The following PKP1 variants were observed in gnomAD, a reference collection of about 807,000 sequenced individuals.
The protein encoded by PKP1 is plakophilin-1.
PKP1 carries 27 observed loss-of-function variants against 76.4 expected under a neutral mutation model. The observed-to-expected ratio is 0.35, with a 90% CI of 0.26 to 0.49. The LOEUF (loss-of-function observed/expected upper bound fraction) is 0.49, where lower values mean the gene tolerates loss of function less well. Among genes scored for constraint, PKP1 ranks in the 20% least tolerant of loss-of-function variants. The pLI, the probability that PKP1 is intolerant of heterozygous loss-of-function variation, is 0.99. For missense variants in PKP1, 964 were observed against 955.2 expected, an observed-to-expected ratio of 1.01 and a Z score of -0.12; for synonymous variants, 404 against 384.2, an observed-to-expected ratio of 1.05 and a Z score of -0.60.
chr1:201,311,828 C>T (rs832151), intron 2 of PKP1, among the ~76,000 whole-genome samples: 33,162 of 152,140 alleles, frequency 0.22, 3,709 homozygotes, highest in East Asian at 0.25. Flanking sequence ...GATGTTGATC[C>T]TCTACTATGA....
At chr1:201,288,844 T>C (rs1172949962) in intron 1 of PKP1, among the ~76,000 whole-genome samples, 1 of 152,030 alleles carries the variant, frequency 6.6e-6, no homozygotes, top group Non-Finnish European at 1.5e-5. Context: ...AGCAGCAGGA[T>C]TGTGGCAGAG....
At chr1:201,320,468 G>C (rs1656905725) in intron 7 of PKP1, 87 bp downstream of exon 7, 1 of 827,216 alleles carries the variant, frequency 1.2e-6, no homozygotes, top group African/African-American at 1.7e-5. Flanking sequence ...CCAGTGACAA[G>C]ACAGGAGCAC....
rs146785756 is a variant in PKP1, at chr1:201,320,292, C to A, written c.1258C>A (p.Arg420Ser). The part of the protein sequence containing the change: ...LRNLSSADAG[R>S]QTMRNYSGLI... ...GAACCTGAGCTCGGCCGATGCAGGCCGCCAGACCATGCGTAACTACTCAGG... is the reference window on the plus strand; with the variant it reads ...GAACCTGAGCTCGGCCGATGCAGGCAGCCAGACCATGCGTAACTACTCAGG... The change falls in exon 7 of 14, where the codon CGC becomes AGC. Residue 420 changes from arginine (R) to serine (S), a missense_variant. Physicochemically the swap from Arg to Ser is moderately radical, Grantham distance 110. Coordinates refer to ENST00000367324, the MANE Select transcript of PKP1 (RefSeq NM_001005337.3). 3.7e-6 allele frequency: 6 copies of A among 1,613,682 alleles called. No homozygotes were observed. The highest frequency in any genetic ancestry group is 1.3e-5 in the African/African-American group (1 of 74,894).
chr1:201,283,663 C>T lies in PKP1; in HGVS notation c.-40C>T. The T allele has an allele frequency of 1.3e-6, 2 of 1,578,138 alleles. No homozygotes were observed. Among genetic ancestry groups the T allele is most frequent in the South Asian group, 2.2e-5 (2 of 88,992 alleles). On this transcript the variant is annotated 5_prime_UTR_variant, in exon 1 of 14. Transcript: ENST00000367324. ...CCGCACCTCGCCTCGCCTCTCTGCT[C>T]TCCTAGGCCCCGGCCGCGCGCCACC...
chr1:201,297,564 A>C (rs959916725), intron 2 of PKP1, among the ~76,000 whole-genome samples: 17 of 152,216 alleles, frequency 1.1e-4, no homozygotes, highest in African/African-American at 2.4e-5. Context: ...AAGGCCACAC[A>C]GCTGGTTACT....
intron 2 of PKP1, among the ~76,000 whole-genome samples, chr1:201,308,067 T>A (rs576013275): frequency 6.1e-4 from 92 of 151,978 alleles, no homozygotes; most frequent in African/African-American, 2.2e-3. Flanking sequence ...TCCCAAGGAG[T>A]CCAGCAGCTT....
At chr1:201,304,552 G>A (rs1294466946) in intron 2 of PKP1, among the ~76,000 whole-genome samples, 3 of 152,318 alleles carry the variant, frequency 2.0e-5, no homozygotes, top group Middle Eastern at 3.4e-3. Context: ...ACATAGCTAA[G>A]CAACTACACA....
At chr1:201,326,157 C>T (rs1169357816) in intron 12 of PKP1, among the ~76,000 whole-genome samples, 1 of 152,198 alleles carries the variant, frequency 6.6e-6, no homozygotes, top group Non-Finnish European at 1.5e-5. Context: ...CTTTTGAGGG[C>T]ATGGGGTTCA....
chr1:201,313,137 A>G (rs913546304), intron 2 of PKP1, 29 bp from the exon 3 acceptor site: 4 of 1,607,072 alleles, frequency 2.5e-6, no homozygotes, highest in African/African-American at 2.7e-5. Flanking sequence ...AGGAACCTTG[A>G]CTGAGCTTTT....
rs141548223 is a variant in PKP1, at chr1:201,288,450, C to T, written c.202+4546C>T. Among the ~76,000 whole-genome samples the T allele has an allele frequency of 2.1e-3, 314 of 152,268 alleles. 1 individual carries two copies. In the Middle Eastern group the frequency reaches 0.024, roughly 12 times the overall value. ...AAACAACACAAATGCGTGAGTCCCA[C>T]CCCCAGAGATTCTGACTTAGTGAGT... On this transcript the variant is annotated intron_variant, in intron 1 of 13. Transcript: ENST00000367324.
chr1:201,330,343 T>A lies in PKP1; in HGVS notation c.*302T>A, dbSNP rs1426823865. On this transcript the variant is annotated 3_prime_UTR_variant, in exon 14 of 14. Transcript: ENST00000367324. ...CTGAGAAATGGTATATATATGTGTA[T>A]AATGTAAGTGTGTGCATGCATGTGC... The A allele has an allele frequency of 6.6e-6, 1 of 152,120 alleles. No individual in the cohort carries two copies. Among genetic ancestry groups the A allele is most frequent in the Non-Finnish European group, 1.5e-5 (1 of 68,030 alleles). The allele number at this position is 152,120 out of a possible 1,614,324, so 9.4% of individuals were successfully genotyped here.
chr1:201,305,191 T>C (rs953868506), intron 2 of PKP1, among the ~76,000 whole-genome samples: 1 of 152,150 alleles, frequency 6.6e-6, no homozygotes, highest in Admixed American at 6.5e-5. Context: ...GCACTGAAGG[T>C]CCCAGTCAAG....
At chr1:201,324,606 C>G (rs371310418) in intron 10 of PKP1, 25 bp downstream of exon 10, 26 of 1,613,394 alleles carry the variant, frequency 1.6e-5, no homozygotes, top group East Asian at 2.2e-5. Flanking sequence ...TCTCCTCCCC[C>G]TCTAGCTAAG....
intron 1 of PKP1, among the ~76,000 whole-genome samples, chr1:201,289,053 G>T (rs1655823106): frequency 6.6e-6 from 1 of 152,174 alleles, no homozygotes; most frequent in South Asian, 2.1e-4. Flanking sequence ...CCTAGAAGCT[G>T]CCGAGTTGGG....
intron 2 of PKP1, among the ~76,000 whole-genome samples, chr1:201,296,382 C>A (rs1656069454): frequency 6.6e-6 from 1 of 152,198 alleles, no homozygotes; most frequent in Non-Finnish European, 1.5e-5. Context: ...ATGGATGGTA[C>A]AACTGGCACA....
Position 201,317,815 on chromosome 1 carries a change from G to A in PKP1, c.1054+36G>A. ...ACGGCCACCGAGAGCCAGCCTGAGG[G>A]CTGTGCAAGGCCACTGGCTATGGCC... On this transcript the variant is annotated intron_variant, in intron 5 of 13. Transcript: ENST00000367324. 3 of 1,583,566 alleles carry A rather than the reference G, an allele frequency of 1.9e-6. No homozygotes were observed. In the South Asian group the frequency reaches 3.4e-5, roughly 18 times the overall value.
At chr1:201,319,690 T>C (rs1053952257) in intron 6 of PKP1, 6 of 919,644 alleles carry the variant, frequency 6.5e-6, no homozygotes, top group Non-Finnish European at 1.1e-5. Flanking sequence ...CCACATTGCT[T>C]GGGAGTGAGC....
intron 9 of PKP1, among the ~76,000 whole-genome samples, chr1:201,323,498 C>T (rs568872131): frequency 3.9e-5 from 6 of 152,224 alleles, no homozygotes; most frequent in Middle Eastern, 3.4e-3. Context: ...TCGGGGAATG[C>T]GGCGGAGAAG....
chr1:201,286,450 G>C (rs1006630340), intron 1 of PKP1, among the ~76,000 whole-genome samples: 5 of 152,118 alleles, frequency 3.3e-5, no homozygotes, highest in Non-Finnish European at 7.4e-5. Context: ...GATAGAAGTG[G>C]CTTCTCAGTT....
Sources: gnomAD v4.1 joint callset for allele counts (sites outside exome capture counted in the v4.1 genomes callset) on GRCh38, gnomAD v4.1.1 for gene constraint, MANE v1.5 for transcripts, NCBI Gene and HGNC (gene_info 2026-07-23, HGNC 2026-07-21) for gene names.